APPL1: variants seen among roughly 807,000 people sequenced by gnomAD.
APPL1 encodes the protein DCC-interacting protein 13-alpha.
Under a neutral mutation model 106.8 loss-of-function variants are expected in APPL1, and 42 were observed. That is an observed-to-expected ratio of 0.39 (90% CI 0.31 to 0.51). The LOEUF is 0.51. Ranked by LOEUF, APPL1 falls within the 20% of genes least tolerant of loss-of-function variation. APPL1 has a pLI of 0.75. For missense variants in APPL1, 769 were observed against 858.2 expected (o/e 0.90, Z 1.30); for synonymous variants, 263 against 281.8 (o/e 0.93, Z 0.67).
At chr3:57,245,485 C>T (rs949657081) in intron 7 of APPL1, among the ~76,000 whole-genome samples, 5 of 151,986 alleles carry the variant, frequency 3.3e-5, no homozygotes, top group African/African-American at 1.2e-4. Flanking sequence ...GCTTTCTCTG[C>T]CATGCTTAGT....
At position 57,238,033 on chromosome 3, in the gene APPL1, C is replaced by A. The variant is rs945205619; in HGVS notation, c.214-12C>A. 4.4e-6 allele frequency: 7 copies of A among 1,603,390 alleles called. No homozygotes were observed. The highest frequency in any genetic ancestry group is 6.0e-6 in the Non-Finnish European group (7 of 1,174,492). ...CATTGAAACTTTACCTCATCTGTTT[C>A]TTGCTTTTCAGCGTTTTCCATTGGG... On this transcript the variant is annotated splice_polypyrimidine_tract_variant and intron_variant, in intron 3 of 21. Coordinates refer to ENST00000288266, the MANE Select transcript of APPL1 (RefSeq NM_012096.3).
Position 57,242,152 on chromosome 3 carries a change from A to C in APPL1, c.415+10A>C. 6.3e-7 allele frequency: 1 copy of C among 1,587,964 alleles called. No homozygotes were observed. Among genetic ancestry groups the C allele is most frequent in the South Asian group, 1.1e-5 (1 of 88,624 alleles). ...CAGATTGCAAGTAATGGTAAGCCCT[A>C]TAATTTGCACACTTATTTCTTGCAG... On this transcript the variant is annotated intron_variant, in intron 6 of 21. Coordinates refer to ENST00000288266, the MANE Select transcript of APPL1 (RefSeq NM_012096.3).
chr3:57,245,998 C>A, intron 7 of APPL1, 78 bp from the exon 8 acceptor site: 2 of 1,030,278 alleles, frequency 1.9e-6, no homozygotes, highest in Non-Finnish European at 1.3e-6. Flanking sequence ...TTCTCCACAG[C>A]TCCTACTGAA....
chr3:57,268,447 AG>A lies in APPL1; in HGVS notation c.1944del (p.Lys648AsnfsTer22). 6.2e-7 allele frequency: 1 copy of A among 1,605,094 alleles called. No individual in the cohort carries two copies. The highest frequency in any genetic ancestry group is 8.5e-7 in the Non-Finnish European group (1 of 1,175,254). ...KQKEIERVKE[K>X]QQKELNKQKQ... ...AAAGAAATAGAGAGAGTAAAAGAGA[AG>A]CAACAGAAAGAACTCAATAAACAAA... On this transcript the variant is annotated frameshift_variant, in exon 21 of 22. Transcript: ENST00000288266. LOFTEE classifies it high-confidence loss of function.
At chr3:57,237,902 C>T (rs772212958) in intron 3 of APPL1, 143 bp from the exon 4 acceptor site, 1 of 632,044 alleles carries the variant, frequency 1.6e-6, no homozygotes, top group East Asian at 2.8e-5. Context: ...ATATACATTA[C>T]ACAATTTTAG....
Position 57,271,756 on chromosome 3 carries a change from T to G in APPL1, c.*2069T>G, listed in dbSNP as rs1179846238. 6.6e-6 allele frequency: 1 copy of G among 152,216 alleles called. No homozygotes were observed. Among genetic ancestry groups the G allele is most frequent in the Non-Finnish European group, 1.5e-5 (1 of 68,036 alleles). 9.4% of individuals were successfully genotyped at this position (152,216 alleles called of 1,614,324 possible). On this transcript the variant is annotated 3_prime_UTR_variant, in exon 22 of 22. Coordinates refer to ENST00000288266, the MANE Select transcript of APPL1 (RefSeq NM_012096.3). ...TTAGGGATGCTGGACAGACCTGTAG[T>G]TCGTTTTAAGTCATGTTCACAGGAA...
chr3:57,251,180 C>T (rs538542788), intron 11 of APPL1, among the ~76,000 whole-genome samples: 217 of 150,780 alleles, frequency 1.4e-3, no homozygotes, highest in African/African-American at 4.9e-3. Context: ...TGTATTTATG[C>T]GCATTAAGAT....
At chr3:57,237,632 G>A (rs2060723479) in intron 3 of APPL1, 81 bp downstream of exon 3, 1 of 1,019,396 alleles carries the variant, frequency 9.8e-7, no homozygotes, top group African/African-American at 1.7e-5. Context: ...GAATCCTTAA[G>A]TTTTCTTGAA....
rs1226487991 is a variant in APPL1, at chr3:57,272,961, A to ATACT, written c.*3277_*3280dup. 2 of 152,582 alleles carry ATACT rather than the reference A, an allele frequency of 1.3e-5. No individual in the cohort carries two copies. The highest frequency in any genetic ancestry group is 4.8e-5 in the African/African-American group (2 of 41,464). The allele number at this position is 152,582 out of a possible 1,614,324, so 9.5% of individuals were successfully genotyped here. ...TCTTAGCATTCAGATTGTATTTTAA[A>ATACT]TACTTAAACACACCAATTGTAGAAA... On this transcript the variant is annotated 3_prime_UTR_variant, in exon 22 of 22. Coordinates refer to ENST00000288266, the MANE Select transcript of APPL1 (RefSeq NM_012096.3).
chr3:57,249,554 T>A lies in APPL1; in HGVS notation c.1052+6T>A, dbSNP rs769990500. ...ACCTCTTTCGATGGAAAAAAGTTAG[T>A]ATTTTTTTTCTACTACTACTAATCT... On this transcript the variant is annotated splice_donor_region_variant and intron_variant, in intron 11 of 21. Transcript: ENST00000288266. The A allele has an allele frequency of 1.3e-6, 2 of 1,551,136 alleles. No homozygotes were observed. Among genetic ancestry groups the A allele is most frequent in the South Asian group, 2.5e-5 (2 of 80,186 alleles).
rs1244737262 is a variant in APPL1, at chr3:57,273,086, TA to T, written c.*3400del. 1 of 152,646 alleles carries T rather than the reference TA, an allele frequency of 6.6e-6. No individual in the cohort carries two copies. Among genetic ancestry groups the T allele is most frequent in the African/African-American group, 2.4e-5 (1 of 41,458 alleles). 9.5% of individuals were successfully genotyped at this position (152,646 alleles called of 1,614,324 possible). On this transcript the variant is annotated 3_prime_UTR_variant, in exon 22 of 22. Transcript: ENST00000288266. ...ACATAAAGATTTGAAACTGGAACTA[TA>T]TTATACTTTTTAACCAATCTCTGTG... is the stretch of plus-strand genomic sequence containing the variant.
chr3:57,253,663 C>G lies in APPL1; in HGVS notation c.1096-19C>G. 7.1e-7 allele frequency: 1 copy of G among 1,406,174 alleles called. No individual in the cohort carries two copies. Among genetic ancestry groups the G allele is most frequent in the South Asian group, 1.5e-5 (1 of 66,420 alleles). 87.1% of individuals were successfully genotyped at this position (1,406,174 alleles called of 1,614,324 possible). ...TTTGTAGAAAAAAAATTATATTTTT[C>G]TATTTTTTCCTCTTGCAGTGGATCT... On this transcript the variant is annotated intron_variant, in intron 12 of 21. Coordinates refer to ENST00000288266, the MANE Select transcript of APPL1 (RefSeq NM_012096.3).
rs1385723804 is a variant in APPL1, at chr3:57,249,387, GGACA to G, written c.897_900del (p.Arg299SerfsTer10). ...AAACAGGCTTGGTGTCATCTACCTG[GGACA>G]GACAGTTTTACTTCACGCAGGGTGG... On this transcript the variant is annotated frameshift_variant, in exon 11 of 22. Transcript: ENST00000288266. LOFTEE classifies it high-confidence loss of function. 1 of 1,614,118 alleles carries G rather than the reference GGACA, an allele frequency of 6.2e-7. No homozygotes were observed. The highest frequency in any genetic ancestry group is 8.5e-7 in the Non-Finnish European group (1 of 1,180,032).
In APPL1 at chr3:57,247,453, C is replaced by G. The variant is rs2060780099; in HGVS notation, c.680C>G (p.Ala227Gly). The change falls in exon 9 of 22, where the codon GCT becomes GGT. Residue 227 changes from alanine (A) to glycine (G), a missense_variant. Coordinates refer to ENST00000288266, the MANE Select transcript of APPL1 (RefSeq NM_012096.3). ...NLNEQLEEFL[A>G]NIGTSVQNVR... The stretch of plus-strand genomic sequence containing the variant: ...AATGAACAACTGGAAGAATTTTTAG[C>G]TAATATTGGAACAAGCGTTCAGAAG... The G allele has an allele frequency of 1.2e-6, 2 of 1,609,180 alleles. No individual in the cohort carries two copies. The highest frequency in any genetic ancestry group is 1.7e-5 in the Admixed American group (1 of 59,826).
chr3:57,265,309 C>G (rs1030247131), intron 19 of APPL1, among the ~76,000 whole-genome samples: 2 of 152,110 alleles, frequency 1.3e-5, no homozygotes, highest in African/African-American at 4.8e-5. Flanking sequence ...CCACCACCAC[C>G]TGGCTAATTT....
intron 1 of APPL1, among the ~76,000 whole-genome samples, chr3:57,231,105 C>T (rs773847936): frequency 6.6e-5 from 10 of 151,118 alleles, no homozygotes; most frequent in East Asian, 2.0e-4. Flanking sequence ...TTTGGGAGGA[C>T]GAGGCAGGTG....
Position 57,238,091 on chromosome 3 carries a change from AAC to A in APPL1, c.262_263del (p.Gln88ValfsTer7). The stretch of plus-strand genomic sequence containing the variant: ...GATGAAGTTATGAGCTCTACATTGC[AAC>A]AGTTTTCAAAAGTTATAGATGAGGT... On this transcript the variant is annotated frameshift_variant, in exon 4 of 22. Coordinates refer to ENST00000288266, the MANE Select transcript of APPL1 (RefSeq NM_012096.3). LOFTEE classifies it high-confidence loss of function. 1 of 1,611,402 alleles carries A rather than the reference AAC, an allele frequency of 6.2e-7. No individual in the cohort carries two copies. The highest frequency in any genetic ancestry group is 8.5e-7 in the Non-Finnish European group (1 of 1,179,112).
At chr3:57,248,053 A>G in intron 9 of APPL1, 140 bp from the exon 10 acceptor site, 1 of 760,038 alleles carries the variant, frequency 1.3e-6, no homozygotes. Flanking sequence ...GTTTTAAAAT[A>G]TATTCGTGTT....
At chr3:57,247,014 C>A in intron 8 of APPL1, among the ~76,000 whole-genome samples, 1 of 150,660 alleles carries the variant, frequency 6.6e-6, no homozygotes. Context: ...AAAATTGAAT[C>A]TATTTAGGTA....
Sources: gnomAD v4.1 joint callset for allele counts (sites outside exome capture counted in the v4.1 genomes callset) on GRCh38, gnomAD v4.1.1 for gene constraint, MANE v1.5 for transcripts, NCBI Gene and HGNC (gene_info 2026-07-23, HGNC 2026-07-21) for gene names.